The following TXNRD3 variants were observed in gnomAD, a reference collection of about 807,000 sequenced individuals.
TXNRD3 encodes TXNRD3 neighbor gene protein.
A neutral mutation model predicts 78.2 loss-of-function variants in TXNRD3; 68 were observed. The ratio of observed to expected loss-of-function variants is 0.87; its 90% CI spans 0.72 to 1.06. The LOEUF (loss-of-function observed/expected upper bound fraction) is 1.06. TXNRD3 is among the 50% of genes least tolerant of loss of function. TXNRD3 has a pLI of 0.00. For synonymous variants in TXNRD3, 296 were observed against 300.1 expected (o/e 0.99, Z 0.14); for missense variants, 751 against 809.5 (o/e 0.93, Z 0.88).
Position 126,615,383 on chromosome 3 carries a change from A to G in TXNRD3, c.1604T>C (p.Ile535Thr), listed in dbSNP as rs1938294367. 3.3e-6 allele frequency: 5 copies of G among 1,511,510 alleles called. No homozygotes were observed. The highest frequency in any genetic ancestry group is 2.5e-5 in the South Asian group (2 of 80,070). The allele number at this position is 1,511,510 out of a possible 1,614,324, so 93.6% of individuals were successfully genotyped here. ...TAGATTCTCTTTTTTATATACTTCA[A>G]TAGCTTTCTCTTCAGATAATCCACA... The change falls in exon 13 of 16, where the codon ATT becomes ACT. Residue 535 changes from isoleucine (I) to threonine (T), a missense_variant. Ile to Thr is a moderately conservative substitution (Grantham distance 89). Coordinates refer to ENST00000524230, the MANE Select transcript of TXNRD3 (RefSeq NM_052883.3).
At chr3:126,645,209 G>T (rs1176669351) in intron 3 of TXNRD3, among the ~76,000 whole-genome samples, 1 of 152,202 alleles carries the variant, frequency 6.6e-6, no homozygotes, top group Non-Finnish European at 1.5e-5. Context: ...GGTCCCTATG[G>T]CCTCCTTACT....
rs949664366 is a variant in TXNRD3, at chr3:126,654,939, G to C, written c.52C>G (p.Pro18Ala). Reference sequence around the variant, plus strand: ...CGGACATGGCCCGAGCGGCGGTTGGGGGCATCGCCCGCCTTTCCCGGCCCG... The same window carrying C: ...CGGACATGGCCCGAGCGGCGGTTGGCGGCATCGCCCGCCTTTCCCGGCCCG... The change falls in exon 1 of 16, where the codon CCC (proline) becomes GCC (alanine). Residue 18 changes from proline to alanine, a missense_variant. Transcript: ENST00000524230. The C allele has an allele frequency of 1.5e-6, 2 of 1,296,294 alleles. No homozygotes were observed. The highest frequency in any genetic ancestry group is 1.9e-6 in the Non-Finnish European group (2 of 1,028,158). 80.3% of individuals were successfully genotyped at this position (1,296,294 alleles called of 1,614,324 possible).
chr3:126,628,488 A>T (rs1938631741), intron 10 of TXNRD3, among the ~76,000 whole-genome samples: 1 of 152,282 alleles, frequency 6.6e-6, no homozygotes, highest in African/African-American at 2.4e-5. Context: ...ACTGAATACT[A>T]AATCAAAACA....
At chr3:126,636,924 GA>G (rs1938876015) in intron 6 of TXNRD3, among the ~76,000 whole-genome samples, 1 of 146,798 alleles carries the variant, frequency 6.8e-6, no homozygotes, top group Non-Finnish European at 1.5e-5. Context: ...TTTCTTTTGT[GA>G]TTTTTTTTTT....
At chr3:126,628,512 C>G (rs1559774745) in intron 10 of TXNRD3, among the ~76,000 whole-genome samples, 1 of 151,940 alleles carries the variant, frequency 6.6e-6, no homozygotes, top group African/African-American at 2.4e-5. Context: ...AAATGAGCAG[C>G]ATTTGTATAC....
chr3:126,645,357 A>G (rs1933201289), intron 3 of TXNRD3, among the ~76,000 whole-genome samples: 1 of 152,254 alleles, frequency 6.6e-6, no homozygotes, highest in Admixed American at 6.5e-5. Context: ...AGGATTGGCA[A>G]GACAAGCACT....
chr3:126,645,397 T>C (rs1397620109), intron 3 of TXNRD3, among the ~76,000 whole-genome samples: 1 of 152,216 alleles, frequency 6.6e-6, no homozygotes, highest in Non-Finnish European at 1.5e-5. Flanking sequence ...CTTACCACTA[T>C]GTGAACTAGG....
At position 126,629,481 on chromosome 3, in the gene TXNRD3, A is replaced by T. The variant is rs745378577; in HGVS notation, c.1198-10T>A. ...TCTCCAACTGTTGAACCTAGTAAGA[A>T]TGAAGAGTGTAATGATGTTATCTAA... On this transcript the variant is annotated splice_polypyrimidine_tract_variant and intron_variant, in intron 9 of 15. Coordinates refer to ENST00000524230, the MANE Select transcript of TXNRD3 (RefSeq NM_052883.3). 6.5e-7 allele frequency: 1 copy of T among 1,527,628 alleles called. No homozygotes were observed. Among genetic ancestry groups the T allele is most frequent in the South Asian group, 1.2e-5 (1 of 83,770 alleles). 94.6% of individuals were successfully genotyped at this position (1,527,628 alleles called of 1,614,324 possible).
chr3:126,651,498 C>A (rs1031149605), intron 1 of TXNRD3, among the ~76,000 whole-genome samples: 1 of 152,170 alleles, frequency 6.6e-6, no homozygotes. Context: ...TTTTCTGTAT[C>A]AGGAAAGATT....
At chr3:126,634,263 AAAAC>A in intron 6 of TXNRD3, among the ~76,000 whole-genome samples, 1 of 151,632 alleles carries the variant, frequency 6.6e-6, no homozygotes, top group African/African-American at 2.4e-5. Context: ...TGAAAAGAAG[AAAAC>A]TGGGGAAAAG....
At chr3:126,625,512 C>T (rs564053764) in intron 10 of TXNRD3, among the ~76,000 whole-genome samples, 37 of 151,924 alleles carry the variant, frequency 2.4e-4, no homozygotes, top group African/African-American at 8.0e-4. Flanking sequence ...GCATAGTATT[C>T]CATGGTGTAT....
chr3:126,610,623 T>G (rs529187361), intron 14 of TXNRD3, among the ~76,000 whole-genome samples: 16 of 152,334 alleles, frequency 1.1e-4, no homozygotes, highest in African/African-American at 3.8e-4. Flanking sequence ...ACTTATTATT[T>G]GATGACCAAA....
In TXNRD3 at chr3:126,633,925, T is replaced by G; in HGVS notation, c.839A>C (p.Glu280Ala). 1 of 1,504,340 alleles carries G rather than the reference T, an allele frequency of 6.6e-7. No individual in the cohort carries two copies. The highest frequency in any genetic ancestry group is 8.8e-7 in the Non-Finnish European group (1 of 1,132,706). 93.2% of individuals were successfully genotyped at this position (1,504,340 alleles called of 1,614,324 possible). The change falls in exon 7 of 16, where the codon GAA becomes GCA. Residue 280 changes from glutamate to alanine, a missense_variant. Transcript: ENST00000524230. ...AAGCACTACCTTTATTTTATGATGT[T>G]CAACAAATTCTCCATAGGAATTGAC...
At chr3:126,653,836 A>T (rs1213454556) in intron 1 of TXNRD3, among the ~76,000 whole-genome samples, 1 of 152,232 alleles carries the variant, frequency 6.6e-6, no homozygotes, top group Non-Finnish European at 1.5e-5. Flanking sequence ...ATCCCAGGGA[A>T]TAGTCAGCAA....
chr3:126,635,411 T>G (rs1938832900), intron 6 of TXNRD3, among the ~76,000 whole-genome samples: 1 of 152,196 alleles, frequency 6.6e-6, no homozygotes, highest in Admixed American at 6.5e-5. Context: ...CTGGAGTTTT[T>G]GATATGCCAA....
At chr3:126,652,269 G>GA (rs1933409409) in intron 1 of TXNRD3, among the ~76,000 whole-genome samples, 1 of 152,076 alleles carries the variant, frequency 6.6e-6, no homozygotes, top group East Asian at 1.9e-4. Context: ...TAAATGACCA[G>GA]ATCTCATGAG....
chr3:126,615,288 G>C, intron 13 of TXNRD3, 67 bp downstream of exon 13: 1 of 697,416 alleles, frequency 1.4e-6, no homozygotes, highest in Non-Finnish European at 2.2e-6. Flanking sequence ...GAAATAAAAA[G>C]TGACCGCAAA....
chr3:126,612,630 G>C (rs1938226077), intron 13 of TXNRD3, among the ~76,000 whole-genome samples: 1 of 152,132 alleles, frequency 6.6e-6, no homozygotes, highest in Admixed American at 6.5e-5. Context: ...TATTTCTGAT[G>C]TGTTCTATCA....
chr3:126,655,028 A>G lies in TXNRD3; in HGVS notation c.-38T>C. 7.7e-7 allele frequency: 1 copy of G among 1,292,164 alleles called. No homozygotes were observed. The highest frequency in any genetic ancestry group is 9.8e-7 in the Non-Finnish European group (1 of 1,021,496). 80.0% of individuals were successfully genotyped at this position (1,292,164 alleles called of 1,614,324 possible). A position where few individuals can be genotyped will look rare whatever the true frequency, so the allele number is the denominator to read the frequency against. Reference sequence around the variant, plus strand: ...GCTCCTGGCCCGGCCGGGCCTGCTCACAAACCGAAACGCAGGCGGCTGCGG... The same window carrying G: ...GCTCCTGGCCCGGCCGGGCCTGCTCGCAAACCGAAACGCAGGCGGCTGCGG... On this transcript the variant is annotated 5_prime_UTR_variant, in exon 1 of 16. Transcript: ENST00000524230.
Sources: gnomAD v4.1 joint callset for allele counts (sites outside exome capture counted in the v4.1 genomes callset) on GRCh38, gnomAD v4.1.1 for gene constraint, MANE v1.5 for transcripts, NCBI Gene and HGNC (gene_info 2026-07-23, HGNC 2026-07-21) for gene names.